The following CD58 variants were observed in gnomAD, a reference collection of about 807,000 sequenced individuals.
CD58 encodes CD58 molecule, also known as lymphocyte function-associated antigen 3.
In CD58, 14 loss-of-function variants were observed where a neutral mutation model predicts 27.6. That is an observed-to-expected ratio of 0.51 (90% CI 0.34 to 0.79). The LOEUF (loss-of-function observed/expected upper bound fraction) is 0.79. CD58 is among the 30% of genes least tolerant of loss of function. CD58 has a pLI of 0.02. For missense variants in CD58, 268 were observed against 301.7 expected, an observed-to-expected ratio of 0.89 and a Z score of 0.83; for synonymous variants, 117 against 103.8, an observed-to-expected ratio of 1.13 and a Z score of -0.77.
In CD58 at chr1:116,536,360, G is replaced by C; in HGVS notation, c.365-132C>G. On this transcript the variant is annotated intron_variant, in intron 2 of 5. Coordinates refer to ENST00000369489, the MANE Select transcript of CD58 (RefSeq NM_001779.3). This position sits in a 1 kb window ranked among gnomAD's most constrained non-coding sequence, Gnocchi z 5.4. ...GCAGACAAACTCCTTGAGCATCAAGGAGCGAGAATTCTTTCTTTTGCTAGG... is the reference window on the plus strand; with the variant it reads ...GCAGACAAACTCCTTGAGCATCAAGCAGCGAGAATTCTTTCTTTTGCTAGG... 1 of 630,852 alleles carries C rather than the reference G, an allele frequency of 1.6e-6. No homozygotes were observed. The allele number at this position is 630,852 out of a possible 1,614,324, so 39.1% of individuals were successfully genotyped here.
At chr1:116,520,484 G>C (rs1333785214) in intron 4 of CD58, among the ~76,000 whole-genome samples, 1 of 150,754 alleles carries the variant, frequency 6.6e-6, no homozygotes, top group Admixed American at 6.6e-5. Context: ...GACCAGGGGA[G>C]TAATTTTCTG....
chr1:116,569,907 C>T (rs1373473576), intron 1 of CD58, among the ~76,000 whole-genome samples: 1 of 152,162 alleles, frequency 6.6e-6, no homozygotes, highest in African/African-American at 2.4e-5. Flanking sequence ...CAGCCCAGGC[C>T]TCTTACAACA....
In CD58 at chr1:116,516,732, A is replaced by T. The variant is rs1010668076; in HGVS notation, c.744-1910T>A. Among the ~76,000 whole-genome samples the T allele has an allele frequency of 6.6e-6, 1 of 152,108 alleles. No individual in the cohort carries two copies. Among genetic ancestry groups the T allele is most frequent in the Non-Finnish European group, 1.5e-5 (1 of 68,028 alleles). On this transcript the variant is annotated intron_variant, in intron 5 of 5. Transcript: ENST00000369489. The surrounding 1 kb of genome is among the most constrained non-coding windows in gnomAD (Gnocchi z 6.1). ...TTTTCTGATTATTCTGGCCTCTCCA[A>T]TTCCTCTGCGTTGGTTGCTCAGCCC...
At position 116,514,589 on chromosome 1, in the gene CD58, A is replaced by T. The variant is rs1657017413; in HGVS notation, c.*224T>A. ...AAAAGTATCTACATCATCAGTAAAA[A>T]CAATTTACTGACAAAAAAAGCAAGC... is the stretch of plus-strand genomic sequence containing the variant. On this transcript the variant is annotated 3_prime_UTR_variant, in exon 6 of 6. Transcript: ENST00000369489. 1 of 483,930 alleles carries T rather than the reference A, an allele frequency of 2.1e-6. No homozygotes were observed. The highest frequency in any genetic ancestry group is 3.5e-5 in the East Asian group (1 of 28,884). 30.0% of individuals were successfully genotyped at this position (483,930 alleles called of 1,614,324 possible). A position where few individuals can be genotyped will look rare whatever the true frequency, so the allele number is the denominator to read the frequency against.
chr1:116,534,866 T>C lies in CD58; in HGVS notation c.628+1099A>G, dbSNP rs1657739699. Among the ~76,000 whole-genome samples the C allele has an allele frequency of 6.6e-6, 1 of 152,218 alleles. No individual in the cohort carries two copies. Among genetic ancestry groups the C allele is most frequent in the African/African-American group, 2.4e-5 (1 of 41,470 alleles). On this transcript the variant is annotated intron_variant, in intron 3 of 5. Transcript: ENST00000369489. This position sits in a 1 kb window ranked among gnomAD's most constrained non-coding sequence, Gnocchi z 5.3. ...ATTTCTTGTATTTGCTAATTTCCCTTATCTGTTTCAGCTGCTTGTTCAGAA... is the reference window on the plus strand; with the variant it reads ...ATTTCTTGTATTTGCTAATTTCCCTCATCTGTTTCAGCTGCTTGTTCAGAA...
At chr1:116,554,617 C>G (rs1037934027) in intron 1 of CD58, among the ~76,000 whole-genome samples, 2 of 151,962 alleles carry the variant, frequency 1.3e-5, no homozygotes, top group Admixed American at 1.3e-4. Flanking sequence ...AAGAGACACC[C>G]TAAATGATTA....
chr1:116,521,862 C>T lies in CD58; in HGVS notation c.706+44G>A, dbSNP rs750785511. ...AAACTATTTTCTGACCTTTGGAAAA[C>T]AATGCAAGTTTTCAAACTATTTTGT... On this transcript the variant is annotated intron_variant, in intron 4 of 5. Coordinates refer to ENST00000369489, the MANE Select transcript of CD58 (RefSeq NM_001779.3). The surrounding 1 kb of genome is among the most constrained non-coding windows in gnomAD (Gnocchi z 5.6). The T allele has an allele frequency of 9.3e-7, 1 of 1,069,814 alleles. No homozygotes were observed. Among genetic ancestry groups the T allele is most frequent in the Admixed American group, 1.9e-5 (1 of 52,084 alleles). 66.3% of individuals were successfully genotyped at this position (1,069,814 alleles called of 1,614,324 possible). A position where few individuals can be genotyped will look rare whatever the true frequency, so the allele number is the denominator to read the frequency against.
chr1:116,568,214 C>T (rs951727744), intron 1 of CD58, among the ~76,000 whole-genome samples: 5 of 152,072 alleles, frequency 3.3e-5, no homozygotes, highest in Non-Finnish European at 7.4e-5. Context: ...GATTCTGTGA[C>T]TTGTTGGAGA....
Position 116,534,648 on chromosome 1 carries a change from G to A in CD58, c.628+1317C>T, listed in dbSNP as rs1410675859. Reference sequence around the variant, plus strand: ...CCAGGCCCCAAGCCCCAGGCCCGCCGCGGCGGCGCTGCCCACCCTGACGAG... The same window carrying A: ...CCAGGCCCCAAGCCCCAGGCCCGCCACGGCGGCGCTGCCCACCCTGACGAG... On this transcript the variant is annotated intron_variant, in intron 3 of 5. Transcript: ENST00000369489. This position sits in a 1 kb window ranked among gnomAD's most constrained non-coding sequence, Gnocchi z 5.3. 6.6e-6 allele frequency among the ~76,000 whole-genome samples: 1 copy of A among 152,198 alleles called. No individual in the cohort carries two copies. The highest frequency in any genetic ancestry group is 1.5e-5 in the Non-Finnish European group (1 of 68,018).
chr1:116,536,197 T>C lies in CD58; in HGVS notation c.396A>G (p.Ala132=). ...ESLPSPTLTC[A]LTNGSIEVQC... ...GGACTTCAATGCTTCCATTAGTCAA[T>C]GCACAAGTTAGTGTGGGAGATGGAA... is the stretch of plus-strand genomic sequence containing the variant. The change falls in exon 3 of 6, where the codon GCA becomes GCG. Residue 132 remains alanine, a synonymous_variant. Coordinates refer to ENST00000369489, the MANE Select transcript of CD58 (RefSeq NM_001779.3). The surrounding 1 kb of genome is among the most constrained non-coding windows in gnomAD (Gnocchi z 5.4). 1 of 1,612,666 alleles carries C rather than the reference T, an allele frequency of 6.2e-7. No homozygotes were observed. The highest frequency in any genetic ancestry group is 8.5e-7 in the Non-Finnish European group (1 of 1,178,938).
rs188670233 is a variant in CD58, at chr1:116,546,013, C to T, written c.71-1409G>A. Among the ~76,000 whole-genome samples, 1 of 152,012 alleles carries T rather than the reference C, an allele frequency of 6.6e-6. No homozygotes were observed. Among genetic ancestry groups the T allele is most frequent in the Non-Finnish European group, 1.5e-5 (1 of 67,992 alleles). ...GTAAAATGGCGAAACCCCATCTTTA[C>T]GAAAAGTACAAAAAATTAGCTGGGC... On this transcript the variant is annotated intron_variant, in intron 1 of 5. Coordinates refer to ENST00000369489, the MANE Select transcript of CD58 (RefSeq NM_001779.3). This position sits in a 1 kb window ranked among gnomAD's most constrained non-coding sequence, Gnocchi z 4.1.
intron 1 of CD58, among the ~76,000 whole-genome samples, chr1:116,565,728 T>C (rs1339844793): frequency 7.2e-6 from 1 of 138,592 alleles, no homozygotes; most frequent in Non-Finnish European, 1.6e-5. Context: ...TGTTTTTTTG[T>C]TTTTTTTTTT....
Position 116,522,030 on chromosome 1 carries a change from A to C in CD58, c.629-47T>G, listed in dbSNP as rs1657277918. Reference sequence around the variant, plus strand: ...AAATTCAACTAGTTGAACTGATCAAAATGGATCCTCATTATTTGCAGATTC... The same window carrying C: ...AAATTCAACTAGTTGAACTGATCAACATGGATCCTCATTATTTGCAGATTC... On this transcript the variant is annotated intron_variant, in intron 3 of 5. Transcript: ENST00000369489. The surrounding 1 kb of genome is among the most constrained non-coding windows in gnomAD (Gnocchi z 4.6). 3 of 1,004,228 alleles carry C rather than the reference A, an allele frequency of 3.0e-6. No homozygotes were observed. The East Asian group carries it at 7.4e-5, about 25-fold the overall frequency. The allele number at this position is 1,004,228 out of a possible 1,614,324, so 62.2% of individuals were successfully genotyped here. A position where few individuals can be genotyped will look rare whatever the true frequency, so the allele number is the denominator to read the frequency against.
intron 5 of CD58, 57 bp from the exon 6 acceptor site, chr1:116,514,879 C>A: frequency 7.7e-7 from 1 of 1,299,974 alleles, no homozygotes; most frequent in Admixed American, 1.9e-5. Flanking sequence ...GGGCTGCAGA[C>A]CAGGAGTCTT....
intron 3 of CD58, chr1:116,533,203 G>T: frequency 1.3e-6 from 1 of 762,168 alleles, no homozygotes; most frequent in Non-Finnish European, 2.4e-6. Flanking sequence ...GATGCTTTCA[G>T]TGGATTGAAG....
In CD58 at chr1:116,534,257, C is replaced by A. The variant is rs1056576544; in HGVS notation, c.628+1708G>T. The stretch of plus-strand genomic sequence containing the variant: ...AGGACTTTCTTCCCCATCAGACATG[C>A]CCTCGTCCACACGAAACTTACAATC... On this transcript the variant is annotated intron_variant, in intron 3 of 5. Coordinates refer to ENST00000369489, the MANE Select transcript of CD58 (RefSeq NM_001779.3). This position sits in a 1 kb window ranked among gnomAD's most constrained non-coding sequence, Gnocchi z 5.3. Among the ~76,000 whole-genome samples the A allele has an allele frequency of 7.2e-5, 11 of 152,234 alleles. No homozygotes were observed. Among genetic ancestry groups the A allele is most frequent in the African/African-American group, 2.7e-4 (11 of 41,464 alleles).
rs370067103 is a variant in CD58 at position 116,523,764 on chromosome 1, C to T, written c.629-1781G>A. Among the ~76,000 whole-genome samples, 6 of 152,192 alleles carry T rather than the reference C, an allele frequency of 3.9e-5. No homozygotes were observed. The highest frequency in any genetic ancestry group is 4.1e-4 in the South Asian group (2 of 4,830). On this transcript the variant is annotated intron_variant, in intron 3 of 5. Coordinates refer to ENST00000369489, the MANE Select transcript of CD58 (RefSeq NM_001779.3). The surrounding 1 kb of genome is among the most constrained non-coding windows in gnomAD (Gnocchi z 4.4). ...TCATTCCTTCTTTACTAACTACAATCTTCACATAAAGATAAACTGCCCCTC... is the reference window on the plus strand; with the variant it reads ...TCATTCCTTCTTTACTAACTACAATTTTCACATAAAGATAAACTGCCCCTC...
chr1:116,518,704 G>A, intron 5 of CD58: 1 of 989,566 alleles, frequency 1.0e-6, no homozygotes, highest in East Asian at 1.1e-4. Flanking sequence ...GCACCCTACG[G>A]CGGTTTATTA....
intron 1 of CD58, among the ~76,000 whole-genome samples, chr1:116,566,012 C>T (rs547024675): frequency 3.0e-4 from 45 of 152,186 alleles, no homozygotes; most frequent in Admixed American, 1.0e-3. Context: ...TCACTGCACC[C>T]GGCCAGAATC....
Sources: gnomAD v4.1 joint callset for allele counts (sites outside exome capture counted in the v4.1 genomes callset) on GRCh38, gnomAD v4.1.1 for gene constraint, Gnocchi (gnomAD v3.1) non-coding constraint, MANE v1.5 for transcripts, NCBI Gene and HGNC (gene_info 2026-07-23, HGNC 2026-07-21) for gene names.